Variants in GRM8 observed in about 807,000 individuals in gnomAD.
GRM8 encodes the protein glutamate metabotropic receptor 8, also known as metabotropic glutamate receptor 8.
In GRM8, 47 loss-of-function variants were observed where a neutral mutation model predicts 87.2. The observed-to-expected ratio is 0.54, with a 90% confidence interval of 0.43 to 0.69. The LOEUF is 0.69. GRM8 is among the 30% of genes least tolerant of loss of function. The pLI is 0.00. For missense variants in GRM8, 1,019 were observed against 1,139.2 expected (o/e 0.89, Z 1.52); for synonymous variants, 396 against 404.5 (o/e 0.98, Z 0.25).
intron 8 of GRM8, among the ~76,000 whole-genome samples, chr7:126,564,758 G>C (rs1008136290): frequency 1.3e-5 from 2 of 152,014 alleles, no homozygotes; most frequent in Non-Finnish European, 2.9e-5. Context: ...TCATACCAAA[G>C]CCAAATACAA....
chr7:127,027,767 T>A (rs1816935798), intron 3 of GRM8, among the ~76,000 whole-genome samples: 1 of 152,210 alleles, frequency 6.6e-6, no homozygotes, highest in African/African-American at 2.4e-5. Flanking sequence ...TACAATCATG[T>A]CATCTGCAAA....
At chr7:126,837,413 T>A (rs1795904726) in intron 6 of GRM8, among the ~76,000 whole-genome samples, 1 of 152,234 alleles carries the variant, frequency 6.6e-6, no homozygotes, top group Non-Finnish European at 1.5e-5. Flanking sequence ...CCACTTTATA[T>A]GCAAATATGC....
At chr7:126,718,833 A>G (rs1356777446) in intron 7 of GRM8, among the ~76,000 whole-genome samples, 1 of 152,156 alleles carries the variant, frequency 6.6e-6, no homozygotes, top group African/African-American at 2.4e-5. Flanking sequence ...ACTCAAATAC[A>G]TTTCTCATGA....
Position 126,931,092 on chromosome 7 carries a change from A to C in GRM8, c.728-26409T>G, listed in dbSNP as rs77824216. Among the ~76,000 whole-genome samples, 588 of 152,316 alleles carry C rather than the reference A, an allele frequency of 3.9e-3. 4 individuals are homozygous for C. Among genetic ancestry groups the C allele is most frequent in the African/African-American group, 0.013 (556 of 41,568 alleles). On this transcript the variant is annotated intron_variant, in intron 3 of 10. Transcript: ENST00000339582. ...CATTGGAATGGAGGTAAAATTTAGAATATCCAAGGGAAAAATGCGTTAGTT... is the reference window on the plus strand; with the variant it reads ...CATTGGAATGGAGGTAAAATTTAGACTATCCAAGGGAAAAATGCGTTAGTT...
intron 4 of GRM8, 100 bp from the exon 5 acceptor site, chr7:126,904,226 G>C (rs573929009): frequency 6.3e-4 from 603 of 950,582 alleles, no homozygotes; most frequent in Non-Finnish European, 8.8e-4. Flanking sequence ...ACACTCAGTA[G>C]GTCACTGTTT....
chr7:126,830,242 G>T (rs1182261402), intron 6 of GRM8, among the ~76,000 whole-genome samples: 3 of 152,172 alleles, frequency 2.0e-5, no homozygotes, highest in African/African-American at 7.2e-5. Flanking sequence ...GAATCTGAAT[G>T]TTGGCCTGCC....
intron 3 of GRM8, among the ~76,000 whole-genome samples, chr7:126,911,922 G>C (rs1189355009): frequency 6.6e-6 from 1 of 152,138 alleles, no homozygotes; most frequent in Admixed American, 6.6e-5. Flanking sequence ...TGGCTGGGCG[G>C]GGTGGCTCAT....
intron 7 of GRM8, among the ~76,000 whole-genome samples, chr7:126,744,794 A>G (rs1270449103): frequency 6.6e-6 from 1 of 151,938 alleles, no homozygotes; most frequent in Non-Finnish European, 1.5e-5. Context: ...AGAACTTAAC[A>G]TGGCAACAGA....
chr7:127,192,543 G>T (rs770794911), intron 2 of GRM8, among the ~76,000 whole-genome samples: 1 of 152,120 alleles, frequency 6.6e-6, no homozygotes, highest in Non-Finnish European at 1.5e-5. Flanking sequence ...GCTTTATCAC[G>T]AGTCTCAGGG....
intron 3 of GRM8, among the ~76,000 whole-genome samples, chr7:126,938,019 G>A (rs527603851): frequency 1.3e-5 from 2 of 152,244 alleles, no homozygotes; most frequent in African/African-American, 4.8e-5. Context: ...TTTTAGATAA[G>A]GAACTACCAG....
At chr7:126,880,270 C>G (rs1310730649) in intron 6 of GRM8, among the ~76,000 whole-genome samples, 1 of 152,146 alleles carries the variant, frequency 6.6e-6, no homozygotes, top group Non-Finnish European at 1.5e-5. Flanking sequence ...TACATGATTA[C>G]AAAAATGCTT....
At chr7:126,498,569 A>G (rs1434974292) in intron 9 of GRM8, among the ~76,000 whole-genome samples, 1 of 152,002 alleles carries the variant, frequency 6.6e-6, no homozygotes, top group Non-Finnish European at 1.5e-5. Context: ...TCACTCACAC[A>G]GGAGGCAGTA....
intron 3 of GRM8, among the ~76,000 whole-genome samples, chr7:126,912,198 A>AAAAC (rs55857352): frequency 0.029 from 4,386 of 150,690 alleles, 197 homozygotes; most frequent in African/African-American, 0.096. Flanking sequence ...CTCTGTCTCA[A>AAAAC]AAACAAACAA....
chr7:127,144,294 G>A (rs1347096346), intron 2 of GRM8, among the ~76,000 whole-genome samples: 1 of 152,092 alleles, frequency 6.6e-6, no homozygotes, highest in Non-Finnish European at 1.5e-5. Flanking sequence ...TTGAAGCTCA[G>A]TAGGAGCAAA....
intron 7 of GRM8, among the ~76,000 whole-genome samples, chr7:126,645,456 A>G (rs925397046): frequency 6.6e-5 from 10 of 152,078 alleles, no homozygotes; most frequent in Non-Finnish European, 1.5e-4. Flanking sequence ...TTCCCAACCA[A>G]TCAACAGCAT....
chr7:127,047,426 T>G (rs1417793728), intron 3 of GRM8, among the ~76,000 whole-genome samples: 1 of 152,168 alleles, frequency 6.6e-6, no homozygotes, highest in Non-Finnish European at 1.5e-5. Context: ...TCCTAATCTC[T>G]GTTCCTTCTA....
intron 2 of GRM8, among the ~76,000 whole-genome samples, chr7:127,208,748 T>A (rs1796054376): frequency 6.6e-6 from 1 of 152,234 alleles, no homozygotes; most frequent in Admixed American, 6.5e-5. Context: ...AACCACTTGA[T>A]TCGGTACACT....
At chr7:126,942,935 T>C (rs537838605) in intron 3 of GRM8, among the ~76,000 whole-genome samples, 10 of 152,248 alleles carry the variant, frequency 6.6e-5, no homozygotes, top group Admixed American at 5.2e-4. Context: ...CTGATACTGA[T>C]ACCCAATACT....
intron 6 of GRM8, among the ~76,000 whole-genome samples, chr7:126,889,444 A>G (rs1800790306): frequency 6.6e-6 from 1 of 152,104 alleles, no homozygotes; most frequent in African/African-American, 2.4e-5. Context: ...TACTGCAAAG[A>G]AAAATGCTTA....
Sources: gnomAD v4.1 joint callset for allele counts (sites outside exome capture counted in the v4.1 genomes callset) on GRCh38, gnomAD v4.1.1 for gene constraint, MANE v1.5 for transcripts, NCBI Gene and HGNC (gene_info 2026-07-23, HGNC 2026-07-21) for gene names.